The following CNTN4 variants were observed in gnomAD, a reference collection of about 807,000 sequenced individuals.
The protein encoded by CNTN4 is contactin 4, also known as contactin-4.
CNTN4 carries 77 observed loss-of-function variants against 122.5 expected under a neutral mutation model. The ratio of observed to expected loss-of-function variants is 0.63; its 90% CI spans 0.52 to 0.76. The LOEUF is 0.76. Among genes scored for constraint, CNTN4 ranks in the 30% least tolerant of loss-of-function variants. CNTN4 has a pLI of 0.00. For synonymous variants in CNTN4, 512 were observed against 447.0 expected (o/e 1.15, Z -1.83); for missense variants, 1,256 against 1,259.1 (o/e 1.00, Z 0.04).
intron 2 of CNTN4, among the ~76,000 whole-genome samples, chr3:2,101,220 A>T (rs2031925037): frequency 6.6e-6 from 1 of 152,050 alleles, no homozygotes; most frequent in African/African-American, 2.4e-5. Flanking sequence ...AGGTCTTCTG[A>T]TTTCTTTTCC....
chr3:2,126,553 A>G (rs1396851045), intron 2 of CNTN4, among the ~76,000 whole-genome samples: 1 of 152,162 alleles, frequency 6.6e-6, no homozygotes, highest in Non-Finnish European at 1.5e-5. Flanking sequence ...AATAAGATTT[A>G]TTGAGCATCT....
intron 14 of CNTN4, among the ~76,000 whole-genome samples, chr3:3,016,830 T>A (rs1697803307): frequency 6.6e-6 from 1 of 152,152 alleles, no homozygotes; most frequent in Non-Finnish European, 1.5e-5. Context: ...TTTGCGATTT[T>A]CCCCCAGTCC....
chr3:2,918,574 T>G (rs2094394291), intron 12 of CNTN4, among the ~76,000 whole-genome samples: 1 of 152,228 alleles, frequency 6.6e-6, no homozygotes, highest in Non-Finnish European at 1.5e-5. Context: ...AGTGACTTCA[T>G]GTTGATAGCT....
intron 2 of CNTN4, among the ~76,000 whole-genome samples, chr3:2,196,875 T>C (rs901649740): frequency 4.0e-5 from 6 of 151,596 alleles, no homozygotes; most frequent in Admixed American, 1.3e-4. Flanking sequence ...AGAAACCTCG[T>C]CTCTACTAAA....
intron 2 of CNTN4, among the ~76,000 whole-genome samples, chr3:2,166,002 G>A (rs1202865186): frequency 6.6e-6 from 1 of 152,046 alleles, no homozygotes. Flanking sequence ...GAATAATGCT[G>A]TAATGAACGT....
intron 2 of CNTN4, among the ~76,000 whole-genome samples, chr3:2,202,623 T>G (rs1179105927): frequency 6.6e-6 from 1 of 152,166 alleles, no homozygotes; most frequent in Non-Finnish European, 1.5e-5. Context: ...TTTGCAGCAC[T>G]GATAATTCAT....
intron 2 of CNTN4, among the ~76,000 whole-genome samples, chr3:2,151,075 T>A (rs996401653): frequency 5.3e-5 from 8 of 151,992 alleles, no homozygotes; most frequent in Non-Finnish European, 1.2e-4. Context: ...AAGTAATACA[T>A]TTTTTTAGAC....
At chr3:2,729,729 A>G (rs2088534068) in intron 4 of CNTN4, among the ~76,000 whole-genome samples, 1 of 151,910 alleles carries the variant, frequency 6.6e-6, no homozygotes, top group South Asian at 2.1e-4. Context: ...CCTGACCAAC[A>G]TGCTGAAACC....
At chr3:2,258,171 G>T (rs1249903956) in intron 2 of CNTN4, among the ~76,000 whole-genome samples, 2 of 152,130 alleles carry the variant, frequency 1.3e-5, no homozygotes, top group African/African-American at 2.4e-5. Flanking sequence ...CAACTATTGC[G>T]GAAGACAGTG....
At chr3:2,724,242 C>T (rs1355638123) in intron 4 of CNTN4, among the ~76,000 whole-genome samples, 2 of 152,044 alleles carry the variant, frequency 1.3e-5, no homozygotes, top group Non-Finnish European at 1.5e-5. Flanking sequence ...TAATGTAGAA[C>T]ATATGTCTGG....
intron 2 of CNTN4, among the ~76,000 whole-genome samples, chr3:2,315,514 C>A (rs970605746): frequency 6.6e-6 from 1 of 151,794 alleles, no homozygotes; most frequent in South Asian, 2.1e-4. Context: ...TACGAGATTT[C>A]TATTTTTCTA....
chr3:2,535,444 T>C (rs2077764959), intron 3 of CNTN4, among the ~76,000 whole-genome samples: 1 of 152,282 alleles, frequency 6.6e-6, no homozygotes, highest in African/African-American at 2.4e-5. Context: ...ATCAGTGTAC[T>C]TTCAAATTTT....
intron 2 of CNTN4, among the ~76,000 whole-genome samples, chr3:2,154,346 C>T (rs1188168600): frequency 6.6e-6 from 1 of 150,568 alleles, no homozygotes; most frequent in Non-Finnish European, 1.5e-5. Flanking sequence ...GTCGTGCCTG[C>T]ACTCCAGCCT....
At position 2,141,460 on chromosome 3, in the gene CNTN4, A is replaced by C. The variant is rs191535739; in HGVS notation, c.-145+40821A>C. Among the ~76,000 whole-genome samples the C allele has an allele frequency of 1.0e-3, 156 of 152,258 alleles. 2 individuals carry two copies. Among genetic ancestry groups the C allele is most frequent in the Non-Finnish European group, 2.1e-4 (14 of 68,020 alleles). On this transcript the variant is annotated intron_variant, in intron 2 of 24. Transcript: ENST00000418658. ...AACAGACTCTCTGATAGACCCTCCA[A>C]AAGGAACAGGAAGGAAGCCCTGCCC...
At chr3:2,402,612 C>T (rs548936990) in intron 3 of CNTN4, among the ~76,000 whole-genome samples, 1 of 152,114 alleles carries the variant, frequency 6.6e-6, no homozygotes, top group East Asian at 1.9e-4. Flanking sequence ...TTATTGTTAA[C>T]TAGTGACCCT....
At chr3:2,892,110 G>A (rs1484462152) in intron 10 of CNTN4, 1 of 152,226 alleles carries the variant, frequency 6.6e-6, no homozygotes, top group East Asian at 1.9e-4. Context: ...AGTTTATACA[G>A]TAAAAAACAG....
intron 4 of CNTN4, among the ~76,000 whole-genome samples, chr3:2,668,390 G>T (rs2084296908): frequency 6.6e-6 from 1 of 151,874 alleles, no homozygotes; most frequent in African/African-American, 2.4e-5. Context: ...TTGGCTCTCT[G>T]TTTGTCTGTT....
At chr3:2,122,384 A>C (rs1470857958) in intron 2 of CNTN4, among the ~76,000 whole-genome samples, 1 of 152,156 alleles carries the variant, frequency 6.6e-6, no homozygotes, top group Non-Finnish European at 1.5e-5. Context: ...GCTTACTATA[A>C]AAAATGATGG....
At chr3:2,542,233 A>G (rs893530444) in intron 3 of CNTN4, among the ~76,000 whole-genome samples, 1 of 152,156 alleles carries the variant, frequency 6.6e-6, no homozygotes, top group Non-Finnish European at 1.5e-5. Flanking sequence ...GCTGCAGCCA[A>G]CTGGCCTCTC....
Sources: gnomAD v4.1 joint callset for allele counts (sites outside exome capture counted in the v4.1 genomes callset) on GRCh38, gnomAD v4.1.1 for gene constraint, MANE v1.5 for transcripts, NCBI Gene and HGNC (gene_info 2026-07-23, HGNC 2026-07-21) for gene names.